Variants in BMP5 observed in about 807,000 individuals in gnomAD.
The protein encoded by BMP5 is bone morphogenetic protein 5.
A neutral mutation model predicts 46.6 loss-of-function variants in BMP5; 23 were observed. That is an observed-to-expected ratio of 0.49 (90% CI 0.35 to 0.70). The LOEUF (loss-of-function observed/expected upper bound fraction) is 0.70, where lower values mean the gene tolerates loss of function less well. Ranked by LOEUF, BMP5 falls within the 30% of genes least tolerant of loss-of-function variation. The probability of loss-of-function intolerance (pLI) is 0.00; values close to 1 mark genes in which losing one functional copy is unlikely to be tolerated. For synonymous variants in BMP5, 204 were observed against 191.9 expected (o/e 1.06, Z -0.52); for missense variants, 545 against 565.6 (o/e 0.96, Z 0.37).
intron 2 of BMP5, among the ~76,000 whole-genome samples, chr6:55,811,218 A>G (rs1238564747): frequency 2.0e-5 from 3 of 152,176 alleles, no homozygotes; most frequent in Admixed American, 6.5e-5. Context: ...GGGGGAGATG[A>G]TGTAAATATG....
At chr6:55,829,359 A>AT (rs113928869) in intron 1 of BMP5, among the ~76,000 whole-genome samples, 6 of 150,692 alleles carry the variant, frequency 4.0e-5, no homozygotes, top group South Asian at 2.1e-4. Context: ...TTTTTTTCAG[A>AT]TTTTTTTTTA....
At chr6:55,856,935 A>G (rs1777414111) in intron 1 of BMP5, among the ~76,000 whole-genome samples, 1 of 152,100 alleles carries the variant, frequency 6.6e-6, no homozygotes, top group Non-Finnish European at 1.5e-5. Context: ...GCTTCTACCA[A>G]TTTTTACTTA....
At chr6:55,845,728 A>G (rs1777082521) in intron 1 of BMP5, among the ~76,000 whole-genome samples, 1 of 151,944 alleles carries the variant, frequency 6.6e-6, no homozygotes, top group Non-Finnish European at 1.5e-5. Context: ...CTCCCCTTCT[A>G]TGATTTGGAG....
intron 4 of BMP5, among the ~76,000 whole-genome samples, chr6:55,769,784 T>C (rs1775002847): frequency 6.6e-6 from 1 of 151,924 alleles, no homozygotes; most frequent in African/African-American, 2.4e-5. Flanking sequence ...GGCAGCAGAA[T>C]GGATGTTGTG....
intron 1 of BMP5, among the ~76,000 whole-genome samples, chr6:55,820,965 G>T (rs890682035): frequency 1.3e-5 from 2 of 152,048 alleles, no homozygotes; most frequent in Non-Finnish European, 2.9e-5. Context: ...ATATAATCTG[G>T]CTGTGTAAGA....
chr6:55,840,940 G>A (rs1362951825), intron 1 of BMP5, among the ~76,000 whole-genome samples: 1 of 142,822 alleles, frequency 7.0e-6, no homozygotes, highest in East Asian at 2.0e-4. Flanking sequence ...GTGGCCTGTA[G>A]GAACCAGGCC....
intron 1 of BMP5, among the ~76,000 whole-genome samples, chr6:55,841,090 G>C (rs1212452693): frequency 6.6e-6 from 1 of 152,156 alleles, no homozygotes; most frequent in African/African-American, 2.4e-5. Context: ...GATCTTCATT[G>C]CATGTTCCTT....
At chr6:55,769,130 C>A (rs1774986269) in intron 4 of BMP5, among the ~76,000 whole-genome samples, 1 of 151,872 alleles carries the variant, frequency 6.6e-6, no homozygotes, top group Non-Finnish European at 1.5e-5. Context: ...GTGGCTGTGG[C>A]AATTTCTTAA....
chr6:55,874,225 C>T, intron 1 of BMP5, 151 bp downstream of exon 1: 1 of 844,804 alleles, frequency 1.2e-6, no homozygotes, highest in South Asian at 1.7e-5. Context: ...TTGCCTAAGG[C>T]ATCAATGAAA....
intron 1 of BMP5, among the ~76,000 whole-genome samples, chr6:55,867,579 C>T (rs887372341): frequency 7.2e-5 from 11 of 152,140 alleles, no homozygotes; most frequent in Non-Finnish European, 1.2e-4. Flanking sequence ...TGTAATCAAA[C>T]ATGTAGGACT....
chr6:55,773,187 C>T (rs1280951704), intron 4 of BMP5, among the ~76,000 whole-genome samples: 1 of 151,854 alleles, frequency 6.6e-6, no homozygotes, highest in Non-Finnish European at 1.5e-5. Context: ...CAGAAGAATG[C>T]ATATTTGACA....
At chr6:55,789,280 A>G (rs1775520363) in intron 3 of BMP5, among the ~76,000 whole-genome samples, 1 of 151,982 alleles carries the variant, frequency 6.6e-6, no homozygotes, top group Admixed American at 6.6e-5. Context: ...ATGTCTGAAA[A>G]CATAGGGCTT....
At chr6:55,839,307 T>G (rs1440315846) in intron 1 of BMP5, among the ~76,000 whole-genome samples, 5 of 152,074 alleles carry the variant, frequency 3.3e-5, no homozygotes, top group Non-Finnish European at 7.4e-5. Flanking sequence ...GTTTTTATTT[T>G]TTATTTATTC....
At chr6:55,813,786 C>CAAAA (rs148453962) in intron 2 of BMP5, among the ~76,000 whole-genome samples, 11 of 123,732 alleles carry the variant, frequency 8.9e-5, no homozygotes, top group African/African-American at 2.8e-4. Flanking sequence ...GACACCGTCT[C>CAAAA]AAAAAAAAAA....
intron 1 of BMP5, among the ~76,000 whole-genome samples, chr6:55,856,951 C>A (rs1227914555): frequency 1.3e-5 from 2 of 152,124 alleles, no homozygotes; most frequent in Non-Finnish European, 2.9e-5. Context: ...ACTTACATTT[C>A]TAATCATCTT....
chr6:55,764,583 A>AAAGAAAAAAAGAAAGAAAG (rs1774875590), intron 4 of BMP5, among the ~76,000 whole-genome samples: 1 of 147,406 alleles, frequency 6.8e-6, no homozygotes, highest in Non-Finnish European at 1.5e-5. Context: ...AAAAAAAAAA[A>AAAGAAAAAAAGAAAGAAAG]AAAAGAAAAA....
At chr6:55,843,893 C>G (rs1281769617) in intron 1 of BMP5, among the ~76,000 whole-genome samples, 2 of 151,932 alleles carry the variant, frequency 1.3e-5, no homozygotes, top group African/African-American at 2.4e-5. Flanking sequence ...CACCTTATGA[C>G]ATTCTTGTTT....
chr6:55,874,977 A>G lies in BMP5; in HGVS notation c.-112T>C. On this transcript the variant is annotated 5_prime_UTR_variant, in exon 1 of 7. It removes the in-frame stop codon of an upstream open reading frame in the 5' UTR. Transcript: ENST00000370830. ...TCCCAGTAGCTGAAAAAACAAATTTACCTATTTTTCATGACAGTGACATTT... is the reference window on the plus strand; with the variant it reads ...TCCCAGTAGCTGAAAAAACAAATTTGCCTATTTTTCATGACAGTGACATTT... 1 of 1,293,912 alleles carries G rather than the reference A, an allele frequency of 7.7e-7. No homozygotes were observed. Among genetic ancestry groups the G allele is most frequent in the South Asian group, 1.4e-5 (1 of 73,238 alleles). 80.2% of individuals were successfully genotyped at this position (1,293,912 alleles called of 1,614,324 possible).
At chr6:55,869,208 G>A (rs1051056159) in intron 1 of BMP5, among the ~76,000 whole-genome samples, 1 of 152,118 alleles carries the variant, frequency 6.6e-6, no homozygotes, top group African/African-American at 2.4e-5. Context: ...CGGTATTTTA[G>A]TGTGTAAGGA....
Sources: gnomAD v4.1 joint callset for allele counts (sites outside exome capture counted in the v4.1 genomes callset) on GRCh38, gnomAD v4.1.1 for gene constraint, MANE v1.5 for transcripts, NCBI Gene and HGNC (gene_info 2026-07-23, HGNC 2026-07-21) for gene names.